PTPRD: variants seen among roughly 807,000 people sequenced by gnomAD.
The protein encoded by PTPRD is receptor-type tyrosine-protein phosphatase delta.
Under a neutral mutation model 214.5 loss-of-function variants are expected in PTPRD, and 34 were observed. That is an observed-to-expected ratio of 0.16 (90% CI 0.12 to 0.21). PTPRD has a LOEUF of 0.21. PTPRD is among the 10% of genes least tolerant of loss of function. PTPRD has a pLI of 1.00. For synonymous variants in PTPRD, 1,128 were observed against 845.7 expected (o/e 1.33, Z -5.79); for missense variants, 2,545 against 2,398.7 (o/e 1.06, Z -1.27).
rs2097817000 is a variant in PTPRD, at chr9:8,517,996, G to A, written c.1395C>T (p.Asn465=). Residue 465 remains asparagine, a synonymous_variant, in exon 21 of 46, where the codon AAC becomes AAT. Coordinates refer to ENST00000381196, the MANE Select transcript of PTPRD (RefSeq NM_002839.4). The part of the protein sequence containing the change: ...YTMDPTQHVN[N]WMKHNVADSQ... ...TGTCAGCTACATTGTGTTTCATCCA[G>A]TTGTTGACATGTTGAGTGGGATCCA... 2 of 1,614,192 alleles carry A rather than the reference G, an allele frequency of 1.2e-6. No individual in the cohort carries two copies. The highest frequency in any genetic ancestry group is 2.2e-5 in the South Asian group (2 of 91,082).
At chr9:10,310,320 T>C (rs1315877453) in intron 3 of PTPRD, among the ~76,000 whole-genome samples, 1 of 151,934 alleles carries the variant, frequency 6.6e-6, no homozygotes, top group Non-Finnish European at 1.5e-5. Flanking sequence ...CAAGGCAAAA[T>C]ATACCTTCTC....
intron 11 of PTPRD, among the ~76,000 whole-genome samples, chr9:8,793,782 A>G (rs1566107902): frequency 6.6e-6 from 1 of 150,688 alleles, no homozygotes; most frequent in Non-Finnish European, 1.5e-5. Flanking sequence ...ATTAGAACAG[A>G]AAAAAAAACC....
chr9:8,556,938 A>C (rs1275703856), intron 14 of PTPRD, among the ~76,000 whole-genome samples: 1 of 152,198 alleles, frequency 6.6e-6, no homozygotes, highest in Non-Finnish European at 1.5e-5. Context: ...TAGTCCTTAT[A>C]TGCACATACA....
At position 9,815,170 on chromosome 9, in the gene PTPRD, T is replaced by C. The variant is rs147949025; in HGVS notation, c.-367-48319A>G. ...GCATAAAAACAGACACATAGACTAA[T>C]GGATCAGAATAGAGAGCCCATACTC... On this transcript the variant is annotated intron_variant, in intron 5 of 45. Transcript: ENST00000381196. Among the ~76,000 whole-genome samples, 462 of 152,302 alleles carry C rather than the reference T, an allele frequency of 3.0e-3. 4 individuals carry two copies. The highest frequency in any genetic ancestry group is 0.01 in the African/African-American group (435 of 41,578).
intron 2 of PTPRD, among the ~76,000 whole-genome samples, chr9:10,565,639 C>T (rs573478212): frequency 6.6e-6 from 1 of 152,172 alleles, no homozygotes; most frequent in Admixed American, 6.5e-5. Flanking sequence ...ACAACATCAG[C>T]AGTAACCAGG....
intron 7 of PTPRD, among the ~76,000 whole-genome samples, chr9:9,636,831 T>G (rs1297424127): frequency 6.6e-6 from 1 of 152,212 alleles, no homozygotes; most frequent in Non-Finnish European, 1.5e-5. Flanking sequence ...TAAACATAAA[T>G]TTGTTTCTCA....
chr9:9,527,355 T>A (rs1332741550), intron 8 of PTPRD, among the ~76,000 whole-genome samples: 1 of 152,172 alleles, frequency 6.6e-6, no homozygotes, highest in Non-Finnish European at 1.5e-5. Context: ...AAGTTTAAAA[T>A]GCTCCCTCCT....
intron 5 of PTPRD, among the ~76,000 whole-genome samples, chr9:9,869,834 G>T (rs1361366601): frequency 2.0e-5 from 3 of 151,744 alleles, no homozygotes; most frequent in Non-Finnish European, 4.4e-5. Context: ...GAACTGTTTG[G>T]AGACTATGTG....
intron 43 of PTPRD, among the ~76,000 whole-genome samples, chr9:8,336,931 T>TAA (rs1847505159): frequency 6.6e-6 from 1 of 152,156 alleles, no homozygotes; most frequent in South Asian, 2.1e-4. Flanking sequence ...TGGCGATCAT[T>TAA]AAAAAGTCAG....
Position 10,186,207 on chromosome 9 carries a change from T to G in PTPRD, c.-544-152417A>C, listed in dbSNP as rs1293768069. On this transcript the variant is annotated intron_variant, in intron 3 of 45. Transcript: ENST00000381196. ...GGAACTTGGAAAAGTTAAATATAAT[T>G]AAACTCAACCTGAGAGTCAATTATT... 2.0e-5 allele frequency among the ~76,000 whole-genome samples: 3 copies of G among 152,180 alleles called. No homozygotes were observed. The East Asian group carries it at 5.8e-4, about 29-fold the overall frequency.
intron 12 of PTPRD, chr9:8,713,410 G>C (rs2098387796): frequency 1.8e-6 from 2 of 1,100,974 alleles, no homozygotes; most frequent in Non-Finnish European, 2.7e-6. Context: ...GCGAATCTTT[G>C]CACCTAATCG....
At chr9:9,590,378 G>T (rs902444704) in intron 7 of PTPRD, among the ~76,000 whole-genome samples, 134 of 152,022 alleles carry the variant, frequency 8.8e-4, no homozygotes, top group African/African-American at 3.1e-3. Context: ...ATAAAACTCT[G>T]TACCTATGAC....
chr9:8,780,243 G>A (rs1002734921), intron 11 of PTPRD, among the ~76,000 whole-genome samples: 1 of 152,110 alleles, frequency 6.6e-6, no homozygotes, highest in Admixed American at 6.6e-5. Context: ...CACCGCACAG[G>A]ATTAGGCCAT....
chr9:10,167,506 T>G (rs188598810), intron 3 of PTPRD, among the ~76,000 whole-genome samples: 1 of 152,272 alleles, frequency 6.6e-6, no homozygotes, highest in Non-Finnish European at 1.5e-5. Context: ...GAGAATTCCA[T>G]TATCTATTTA....
Position 10,490,002 on chromosome 9 carries a change from T to C in PTPRD, c.-600+122396A>G, listed in dbSNP as rs138342721. On this transcript the variant is annotated intron_variant, in intron 2 of 45. Coordinates refer to ENST00000381196, the MANE Select transcript of PTPRD (RefSeq NM_002839.4). Reference sequence around the variant, plus strand: ...GATTTTTGGTTCTTATGAAGGCGCATTGTTTTGTGTTTATGTAGATAGTTG... The same window carrying C: ...GATTTTTGGTTCTTATGAAGGCGCACTGTTTTGTGTTTATGTAGATAGTTG... 3.0e-3 allele frequency among the ~76,000 whole-genome samples: 452 copies of C among 152,296 alleles called. 5 individuals are homozygous for C. The highest frequency in any genetic ancestry group is 0.01 in the African/African-American group (417 of 41,564).
intron 8 of PTPRD, among the ~76,000 whole-genome samples, chr9:9,543,688 A>C (rs1439509107): frequency 6.6e-6 from 1 of 151,616 alleles, no homozygotes; most frequent in Non-Finnish European, 1.5e-5. Context: ...CTTGATTGTT[A>C]CTGAAAACAA....
intron 9 of PTPRD, among the ~76,000 whole-genome samples, chr9:9,245,004 G>C (rs76804381): frequency 0.19 from 29,033 of 152,108 alleles, 3,401 homozygotes; most frequent in Non-Finnish European, 0.25. Context: ...CTCAAAAGAA[G>C]ACATTTATGC....
intron 12 of PTPRD, among the ~76,000 whole-genome samples, chr9:8,731,931 G>C (rs1233292367): frequency 6.6e-6 from 1 of 152,174 alleles, no homozygotes; most frequent in Non-Finnish European, 1.5e-5. Context: ...TGGGAGGAGT[G>C]AGAGGGAGTA....
At chr9:10,506,505 A>G (rs1281554566) in intron 2 of PTPRD, among the ~76,000 whole-genome samples, 1 of 152,184 alleles carries the variant, frequency 6.6e-6, no homozygotes, top group Non-Finnish European at 1.5e-5. Context: ...CAAAGAAAGG[A>G]TAAATGCTTG....
Sources: gnomAD v4.1 joint callset for allele counts (sites outside exome capture counted in the v4.1 genomes callset) on GRCh38, gnomAD v4.1.1 for gene constraint, MANE v1.5 for transcripts, NCBI Gene and HGNC (gene_info 2026-07-23, HGNC 2026-07-21) for gene names.